Variants in EBF2 observed in about 807,000 individuals in gnomAD.
EBF2 encodes the protein transcription factor COE2.
Under a neutral mutation model 72.8 loss-of-function variants are expected in EBF2, and 21 were observed. The observed-to-expected ratio is 0.29, with a 90% CI of 0.20 to 0.42. The LOEUF is 0.42. EBF2 is among the 10% of genes least tolerant of loss of function. The pLI is 1.00. For synonymous variants in EBF2, 299 were observed against 274.2 expected (o/e 1.09, Z -0.89); for missense variants, 637 against 731.2 (o/e 0.87, Z 1.49).
chr8:25,966,601 T>C (rs1804119640), intron 6 of EBF2, among the ~76,000 whole-genome samples: 1 of 152,240 alleles, frequency 6.6e-6, no homozygotes, highest in Non-Finnish European at 1.5e-5. Context: ...CTGAACTGTC[T>C]TTATGAACAA....
intron 6 of EBF2, among the ~76,000 whole-genome samples, chr8:25,959,868 A>C (rs1229812578): frequency 6.6e-6 from 1 of 152,210 alleles, no homozygotes; most frequent in Non-Finnish European, 1.5e-5. Flanking sequence ...GCAAGAAAAG[A>C]AAATCATCCC....
chr8:25,888,769 A>G (rs1264366059), intron 8 of EBF2, among the ~76,000 whole-genome samples: 1 of 152,210 alleles, frequency 6.6e-6, no homozygotes, highest in Non-Finnish European at 1.5e-5. Flanking sequence ...AAGTCAATCC[A>G]TCACTCCATT....
At chr8:25,976,612 T>G (rs1235528269) in intron 6 of EBF2, among the ~76,000 whole-genome samples, 6 of 151,366 alleles carry the variant, frequency 4.0e-5, no homozygotes, top group African/African-American at 1.5e-4. Context: ...CCTTTTGTAT[T>G]CTAAAGAGAT....
At chr8:26,015,340 A>G (rs570929124) in intron 6 of EBF2, among the ~76,000 whole-genome samples, 1 of 152,346 alleles carries the variant, frequency 6.6e-6, no homozygotes, top group Non-Finnish European at 1.5e-5. Flanking sequence ...GATAGAATCA[A>G]GAATGCATAA....
intron 6 of EBF2, among the ~76,000 whole-genome samples, chr8:25,957,828 C>T (rs575386905): frequency 1.3e-5 from 2 of 152,248 alleles, no homozygotes; most frequent in South Asian, 4.1e-4. Context: ...ATTGCATGAC[C>T]AAGGTACAAC....
chr8:25,971,249 C>T (rs928009458), intron 6 of EBF2, among the ~76,000 whole-genome samples: 1 of 152,190 alleles, frequency 6.6e-6, no homozygotes, highest in African/African-American at 2.4e-5. Flanking sequence ...CAAAAGCCAG[C>T]TTAACTCCTT....
At chr8:26,041,975 C>G in intron 2 of EBF2, 120 bp downstream of exon 2, 1 of 1,433,044 alleles carries the variant, frequency 7.0e-7, no homozygotes. Flanking sequence ...TGAGTAGCCT[C>G]GATTTATCAT....
In EBF2 at chr8:26,044,881, T is replaced by C; in HGVS notation, c.-22A>G. 1 of 1,612,592 alleles carries C rather than the reference T, an allele frequency of 6.2e-7. No homozygotes were observed. Among genetic ancestry groups the C allele is most frequent in the Non-Finnish European group, 8.5e-7 (1 of 1,178,984 alleles). Reference sequence around the variant, plus strand: ...ACATTTAAAAAGTCTGATCCTCTACTGTCGCTTTAAAAGTAAGAGTTACAA... The same window carrying C: ...ACATTTAAAAAGTCTGATCCTCTACCGTCGCTTTAAAAGTAAGAGTTACAA... On this transcript the variant is annotated 5_prime_UTR_variant, in exon 1 of 16. Transcript: ENST00000520164. The surrounding 1 kb of genome is among the most constrained non-coding windows in gnomAD (Gnocchi z 4.1).
intron 6 of EBF2, among the ~76,000 whole-genome samples, chr8:26,008,840 C>CAA (rs61069458): frequency 1.1e-3 from 125 of 114,586 alleles, no homozygotes; most frequent in African/African-American, 1.3e-3. Flanking sequence ...ATCAACCTCT[C>CAA]AAAAAAAAAA....
At chr8:25,958,091 G>A (rs1295346096) in intron 6 of EBF2, among the ~76,000 whole-genome samples, 1 of 152,030 alleles carries the variant, frequency 6.6e-6, no homozygotes, top group Admixed American at 6.5e-5. Flanking sequence ...TAACAAACCC[G>A]CACAAAGATT....
chr8:25,862,830 ATCCTGGC>A, intron 10 of EBF2, 33 bp from the exon 11 acceptor site: 2 of 1,524,798 alleles, frequency 1.3e-6, no homozygotes, highest in South Asian at 2.5e-5. Context: ...CTGAGTTGGT[ATCCTGGC>A]TATAAAGCAA....
chr8:25,898,010 C>T (rs921889838), intron 7 of EBF2, among the ~76,000 whole-genome samples: 4 of 152,260 alleles, frequency 2.6e-5, no homozygotes, highest in East Asian at 3.9e-4. Flanking sequence ...GACCCCTAGG[C>T]GCTCTGCTAC....
At chr8:25,988,738 C>A (rs989847240) in intron 6 of EBF2, among the ~76,000 whole-genome samples, 1 of 152,116 alleles carries the variant, frequency 6.6e-6, no homozygotes, top group African/African-American at 2.4e-5. Context: ...TTATCAGATA[C>A]CATCCTCCAG....
At chr8:26,018,892 C>T (rs1805157446) in intron 6 of EBF2, among the ~76,000 whole-genome samples, 1 of 145,080 alleles carries the variant, frequency 6.9e-6, no homozygotes, top group African/African-American at 2.6e-5. Context: ...TATTATGGGT[C>T]CATTGTATTC....
At chr8:26,011,873 A>G (rs1309988897) in intron 6 of EBF2, among the ~76,000 whole-genome samples, 1 of 151,928 alleles carries the variant, frequency 6.6e-6, no homozygotes, top group Non-Finnish European at 1.5e-5. Context: ...GAGCATGGTG[A>G]CATCAATCAT....
intron 6 of EBF2, among the ~76,000 whole-genome samples, chr8:26,022,443 G>A (rs1313350426): frequency 6.6e-6 from 1 of 152,120 alleles, no homozygotes; most frequent in East Asian, 1.9e-4. Context: ...TTTTTGGAGG[G>A]GCTACATGGA....
chr8:25,870,429 C>T (rs900684793), intron 10 of EBF2, among the ~76,000 whole-genome samples: 5 of 151,928 alleles, frequency 3.3e-5, no homozygotes, highest in Admixed American at 1.3e-4. Context: ...CCCTTTCCAT[C>T]TGCATGGCTG....
chr8:25,986,001 CAAAAAAAA>C (rs59820523), intron 6 of EBF2, among the ~76,000 whole-genome samples: 1 of 28,560 alleles, frequency 3.5e-5, no homozygotes, highest in Non-Finnish European at 5.5e-5. Context: ...AACTCTGTCT[CAAAAAAAA>C]AAAAAAAAAA....
At chr8:25,983,932 C>A (rs1020131836) in intron 6 of EBF2, among the ~76,000 whole-genome samples, 2 of 152,232 alleles carry the variant, frequency 1.3e-5, no homozygotes, top group Non-Finnish European at 2.9e-5. Context: ...TGTTCAATGA[C>A]TGCTTCCCAA....
Sources: allele counts gnomAD v4.1 joint callset (sites outside exome capture counted in the v4.1 genomes callset), GRCh38; gene constraint gnomAD v4.1.1; non-coding constraint Gnocchi (gnomAD v3.1); transcripts MANE v1.5; gene names NCBI Gene and HGNC (gene_info 2026-07-23, HGNC 2026-07-21).